Variants in ERG observed in about 807,000 individuals in gnomAD.
ERG encodes ETS transcription factor ERG, also known as transcriptional regulator ERG.
Under a neutral mutation model 55.3 loss-of-function variants are expected in ERG, and 9 were observed. The ratio of observed to expected loss-of-function variants is 0.16; its 90% CI spans 0.10 to 0.28. The LOEUF is 0.28. ERG is among the 10% of genes least tolerant of loss of function. The probability of loss-of-function intolerance (pLI) is 1.00; values close to 1 mark genes in which losing one functional copy is unlikely to be tolerated. For missense variants in ERG, 434 were observed against 631.6 expected (o/e 0.69, Z 3.35); for synonymous variants, 223 against 237.3 (o/e 0.94, Z 0.55).
intron 1 of ERG, among the ~76,000 whole-genome samples, chr21:38,650,684 A>C (rs2060483776): frequency 6.6e-6 from 1 of 152,182 alleles, no homozygotes; most frequent in African/African-American, 2.4e-5. Context: ...AAAAGGGTAG[A>C]AGGTTACTCA....
chr21:38,430,352 A>T (rs556116279), intron 2 of ERG, among the ~76,000 whole-genome samples: 1 of 151,630 alleles, frequency 6.6e-6, no homozygotes, highest in African/African-American at 2.4e-5. Context: ...ATTTTCTTCC[A>T]CTCTGTGGGT....
chr21:38,420,665 C>A (rs1349895573), intron 3 of ERG, among the ~76,000 whole-genome samples: 1 of 152,208 alleles, frequency 6.6e-6, no homozygotes, highest in Non-Finnish European at 1.5e-5. Context: ...AAATATCTCT[C>A]TTATTTTCTA....
At chr21:38,606,487 A>G (rs374027194) in intron 1 of ERG, among the ~76,000 whole-genome samples, 37 of 152,366 alleles carry the variant, frequency 2.4e-4, no homozygotes, top group Non-Finnish European at 5.1e-4. Flanking sequence ...AAAATTTTGT[A>G]AAGTACATGA....
intron 1 of ERG, among the ~76,000 whole-genome samples, chr21:38,592,026 G>C (rs1276196377): frequency 6.6e-6 from 1 of 152,220 alleles, no homozygotes; most frequent in Admixed American, 6.5e-5. Flanking sequence ...AGAGGTAGAG[G>C]AAATGCCATG....
intron 2 of ERG, among the ~76,000 whole-genome samples, chr21:38,505,212 C>A (rs775802308): frequency 6.6e-6 from 1 of 152,168 alleles, no homozygotes; most frequent in African/African-American, 2.4e-5. Flanking sequence ...AGGCTACCTG[C>A]GGATGCAATG....
intron 1 of ERG, among the ~76,000 whole-genome samples, chr21:38,457,778 G>A (rs190268650): frequency 2.0e-4 from 30 of 152,280 alleles, no homozygotes; most frequent in Admixed American, 1.7e-3. Context: ...ACCACCAGGC[G>A]CTGTGCAGGA....
intron 1 of ERG, among the ~76,000 whole-genome samples, chr21:38,482,870 C>G (rs2211872): frequency 0.12 from 18,148 of 152,078 alleles, 1,218 homozygotes; most frequent in East Asian, 0.26. Flanking sequence ...TAGAGACGGG[C>G]TTTCACCATG....
intron 1 of ERG, among the ~76,000 whole-genome samples, chr21:38,486,353 G>A (rs539483579): frequency 1.2e-4 from 18 of 152,308 alleles, no homozygotes; most frequent in African/African-American, 4.3e-4. Flanking sequence ...TAGCCTAGGA[G>A]CACAGGCTAC....
chr21:38,632,680 G>A (rs2060364265), intron 1 of ERG, among the ~76,000 whole-genome samples: 1 of 152,166 alleles, frequency 6.6e-6, no homozygotes, highest in African/African-American at 2.4e-5. Context: ...CACCATGATT[G>A]TGAGGCCTCC....
intron 2 of ERG, among the ~76,000 whole-genome samples, chr21:38,437,873 A>C (rs1472431746): frequency 6.6e-6 from 1 of 152,316 alleles, no homozygotes; most frequent in East Asian, 1.9e-4. Context: ...GGAAGACTTC[A>C]ACACAGGAGC....
At chr21:38,591,875 A>T (rs1428690421) in intron 1 of ERG, among the ~76,000 whole-genome samples, 2 of 152,220 alleles carry the variant, frequency 1.3e-5, no homozygotes, top group African/African-American at 4.8e-5. Flanking sequence ...AACCAATGAA[A>T]AGAAGGTTTA....
At chr21:38,476,503 A>G (rs2059189056) in intron 1 of ERG, among the ~76,000 whole-genome samples, 1 of 152,130 alleles carries the variant, frequency 6.6e-6, no homozygotes, top group Non-Finnish European at 1.5e-5. Flanking sequence ...CCTCCTCTTA[A>G]CGGCTGATGA....
intron 2 of ERG, among the ~76,000 whole-genome samples, chr21:38,536,548 C>A (rs181190561): frequency 6.6e-6 from 1 of 152,194 alleles, no homozygotes; most frequent in Non-Finnish European, 1.5e-5. Context: ...GTTTGCACAG[C>A]TGTATCCACC....
intron 2 of ERG, among the ~76,000 whole-genome samples, chr21:38,434,838 C>A (rs562017759): frequency 1.3e-5 from 2 of 152,178 alleles, no homozygotes; most frequent in Non-Finnish European, 2.9e-5. Flanking sequence ...GCTGTGCATG[C>A]GTGTATGTGG....
At chr21:38,561,819 T>C (rs1312689819) in intron 2 of ERG, among the ~76,000 whole-genome samples, 1 of 152,194 alleles carries the variant, frequency 6.6e-6, no homozygotes, top group East Asian at 1.9e-4. Context: ...TAATGTTTAA[T>C]ACAAACAAAC....
intron 2 of ERG, among the ~76,000 whole-genome samples, chr21:38,566,613 AC>A (rs1226766844): frequency 1.3e-5 from 2 of 152,170 alleles, no homozygotes; most frequent in Non-Finnish European, 2.9e-5. Context: ...ATGTTTTGAA[AC>A]CCAAGGCCAA....
In ERG at chr21:38,429,611, GT is replaced by G. The variant is rs1569092800; in HGVS notation, c.237-6051del. On this transcript the variant is annotated intron_variant, in intron 2 of 9. Coordinates refer to ENST00000288319, the MANE Select transcript of ERG (RefSeq NM_182918.4). ...TGTGTATATGTACATGTATACACAT[GT>G]ACATATATACATATGTGTATATATA... 3.4e-3 allele frequency among the ~76,000 whole-genome samples: 489 copies of G among 143,254 alleles called. 150 individuals carry two copies. The highest frequency in any genetic ancestry group is 0.012 in the African/African-American group (468 of 38,780). The allele number at this position is 143,254 out of a possible 152,430, so 94.0% of individuals were successfully genotyped here.
At chr21:38,547,569 G>A (rs1009835480) in intron 2 of ERG, among the ~76,000 whole-genome samples, 5 of 152,180 alleles carry the variant, frequency 3.3e-5, no homozygotes, top group South Asian at 2.1e-4. Context: ...AGGGCGACTC[G>A]ATCATAGGCA....
At position 38,392,468 on chromosome 21, in the gene ERG, A is replaced by G. The variant is rs760833575; in HGVS notation, c.746-24T>C. The stretch of plus-strand genomic sequence containing the variant: ...ATCTGTAAAGACAAATAAATTGACT[A>G]AAAGATCAATCATGTAATTTTTATA... On this transcript the variant is annotated intron_variant, in intron 6 of 9. Transcript: ENST00000288319. The G allele has an allele frequency of 2.8e-6, 4 of 1,416,906 alleles. No homozygotes were observed. The South Asian group carries it at 5.9e-5, about 21-fold the overall frequency. The allele number at this position is 1,416,906 out of a possible 1,614,324, so 87.8% of individuals were successfully genotyped here.
Sources: allele counts gnomAD v4.1 joint callset (sites outside exome capture counted in the v4.1 genomes callset), GRCh38; gene constraint gnomAD v4.1.1; transcripts MANE v1.5; gene names NCBI Gene and HGNC (gene_info 2026-07-23, HGNC 2026-07-21).